The following TCN1 variants were observed in gnomAD, a reference collection of about 807,000 sequenced individuals.
TCN1 encodes transcobalamin 1, also known as transcobalamin-1.
A neutral mutation model predicts 46.3 loss-of-function variants in TCN1; 47 were observed. The observed-to-expected ratio is 1.01, with a 90% CI of 0.80 to 1.29. TCN1 has a LOEUF of 1.29. Ranked by LOEUF, TCN1 falls within the 50% of genes most tolerant of loss-of-function variation. The probability of loss-of-function intolerance (pLI) is 0.00; values close to 1 mark genes in which losing one functional copy is unlikely to be tolerated. For synonymous variants in TCN1, 183 were observed against 192.5 expected (o/e 0.95, Z 0.41); for missense variants, 532 against 511.0 (o/e 1.04, Z -0.40).
At chr11:59,854,378 A>G (rs1192261935) in intron 7 of TCN1, among the ~76,000 whole-genome samples, 1 of 146,846 alleles carries the variant, frequency 6.8e-6, no homozygotes, top group East Asian at 1.9e-4. Flanking sequence ...TTGACTTTAG[A>G]AGTTACATTT....
intron 3 of TCN1, among the ~76,000 whole-genome samples, chr11:59,862,003 A>G (rs527724511): frequency 3.9e-5 from 6 of 152,342 alleles, no homozygotes; most frequent in Non-Finnish European, 7.3e-5. Flanking sequence ...TGCGTTTTCA[A>G]TAGTAAGGTG....
chr11:59,857,063 A>T (rs519221), intron 5 of TCN1, among the ~76,000 whole-genome samples: 40,260 of 152,026 alleles, frequency 0.26, 5,543 homozygotes, highest in African/African-American at 0.31. Flanking sequence ...GTTGTCCACA[A>T]GCATTTGTGG....
At position 59,861,626 on chromosome 11, in the gene TCN1, C is replaced by A. The variant is rs753793142; in HGVS notation, c.457G>T (p.Ala153Ser). Residue 153 changes from alanine to serine, a missense_variant, in exon 4 of 9, where the codon GCC becomes TCC. Physicochemically the swap from Ala to Ser is moderately conservative, Grantham distance 99. Coordinates refer to ENST00000257264, the MANE Select transcript of TCN1 (RefSeq NM_001062.4). ...TAGTTCCCATTGAACAGACACAAGG[C>A]CAAAACGTCCAGGCTGAGCTGGTAG... ...NYYQLSLDVL[A>S]LCLFNGNYST... 2.9e-5 allele frequency: 46 copies of A among 1,613,982 alleles called. No homozygotes were observed. The highest frequency in any genetic ancestry group is 1.2e-5 in the Non-Finnish European group (14 of 1,179,998).
Position 59,853,295 on chromosome 11 carries a change from C to G in TCN1, c.1148G>C (p.Gly383Ala), listed in dbSNP as rs770877578. 1 of 1,613,988 alleles carries G rather than the reference C, an allele frequency of 6.2e-7. No homozygotes were observed. The highest frequency in any genetic ancestry group is 2.2e-5 in the East Asian group (1 of 44,868). The change falls in exon 8 of 9, where the codon GGG becomes GCG. Residue 383 changes from glycine (G) to alanine (A), a missense_variant. Transcript: ENST00000257264. ...GCCCTGAATACAGGTGATATAGGGC[C>G]CCCATGAGCGCTCCTCCATTGTGAA... ...FGFTMEERSWGPYITCIQGLC... is the reference protein window; with the variant it reads ...FGFTMEERSWAPYITCIQGLC...
intron 7 of TCN1, among the ~76,000 whole-genome samples, chr11:59,853,639 C>T (rs971664887): frequency 6.6e-6 from 1 of 152,114 alleles, no homozygotes; most frequent in Non-Finnish European, 1.5e-5. Flanking sequence ...CAACCTTCCA[C>T]CCCAAGATAG....
At chr11:59,866,105 A>T (rs1188743540) in intron 1 of TCN1, among the ~76,000 whole-genome samples, 1 of 152,182 alleles carries the variant, frequency 6.6e-6, no homozygotes, top group African/African-American at 2.4e-5. Flanking sequence ...GTCATTGAAA[A>T]GTCACATGAA....
chr11:59,859,670 C>G (rs1228331487), intron 4 of TCN1, among the ~76,000 whole-genome samples: 2 of 152,172 alleles, frequency 1.3e-5, no homozygotes, highest in African/African-American at 4.8e-5. Flanking sequence ...GTACTTATGA[C>G]ACTGTGTCCT....
intron 1 of TCN1, 81 bp downstream of exon 1, chr11:59,866,311 G>C: frequency 1.4e-6 from 2 of 1,408,832 alleles, no homozygotes; most frequent in Non-Finnish European, 2.0e-6. Flanking sequence ...TCTTTTCTCA[G>C]GTAACTCTAC....
chr11:59,865,111 A>G (rs1199181186), intron 1 of TCN1, among the ~76,000 whole-genome samples: 3 of 152,174 alleles, frequency 2.0e-5, no homozygotes, highest in Non-Finnish European at 2.9e-5. Flanking sequence ...TTTTATCACT[A>G]TACTTGAGAA....
chr11:59,854,634 G>A lies in TCN1; in HGVS notation c.1121+18C>T, dbSNP rs1852906537. Reference sequence around the variant, plus strand: ...AATGACAGCAAACATCTTAACCTTAGGTTAGGTACAGACCTACCCAAATAT... The same window carrying A: ...AATGACAGCAAACATCTTAACCTTAAGTTAGGTACAGACCTACCCAAATAT... On this transcript the variant is annotated intron_variant, in intron 7 of 8. Coordinates refer to ENST00000257264, the MANE Select transcript of TCN1 (RefSeq NM_001062.4). 3 of 1,611,854 alleles carry A rather than the reference G, an allele frequency of 1.9e-6. No individual in the cohort carries two copies. The highest frequency in any genetic ancestry group is 1.7e-6 in the Non-Finnish European group (2 of 1,178,412).
chr11:59,862,513 T>C (rs775671498), intron 3 of TCN1, 69 bp downstream of exon 3: 26 of 1,575,636 alleles, frequency 1.7e-5, no homozygotes, highest in Non-Finnish European at 2.3e-5. Flanking sequence ...GGAGGGAAAC[T>C]TCATATAGTT....
Position 59,864,006 on chromosome 11 carries a change from C to A in TCN1, c.160G>T (p.Ala54Ser), listed in dbSNP as rs200856109. 1.2e-6 allele frequency: 2 copies of A among 1,613,908 alleles called. No homozygotes were observed. The highest frequency in any genetic ancestry group is 1.7e-6 in the Non-Finnish European group (2 of 1,179,836). The change falls in exon 2 of 9, where the codon GCT becomes TCT. Residue 54 changes from alanine (A) to serine (S), a missense_variant. Coordinates refer to ENST00000257264, the MANE Select transcript of TCN1 (RefSeq NM_001062.4). ...TTGAGGGACAACACAACATTGACAG[C>A]GCTGGTTCCCCTGTTATAGTTTGAC... Reference protein sequence around the residue: ...IQSNYNRGTSAVNVVLSLKLV... With the variant: ...IQSNYNRGTSSVNVVLSLKLV...
intron 5 of TCN1, among the ~76,000 whole-genome samples, chr11:59,858,335 C>T (rs900440768): frequency 7.9e-6 from 1 of 125,874 alleles, no homozygotes; most frequent in African/African-American, 3.6e-5. Flanking sequence ...AAAACTTATG[C>T]GTTATTTCTG....
At chr11:59,859,034 A>G (rs757707168) in intron 5 of TCN1, 43 bp downstream of exon 5, 1 of 1,594,472 alleles carries the variant, frequency 6.3e-7, no homozygotes, top group East Asian at 2.2e-5. Context: ...TTTCTTCCAG[A>G]GAAGACTCCC....
In TCN1 at chr11:59,863,973, C is replaced by T; in HGVS notation, c.193G>A (p.Gly65Arg). Residue 65 changes from glycine (G) to arginine (R), a missense_variant, in exon 2 of 9, where the codon GGA becomes AGA. Physicochemically the swap from Gly to Arg is moderately radical, Grantham distance 125 (BLOSUM62 -2). Coordinates refer to ENST00000257264, the MANE Select transcript of TCN1 (RefSeq NM_001062.4). ...TGCATCAGGGTTTGGATCTGGATTC[C>T]AACAAGTTTGAGGGACAACACAACA... is the stretch of plus-strand genomic sequence containing the variant. ...VNVVLSLKLV[G>R]IQIQTLMQKM... 2 of 1,613,802 alleles carry T rather than the reference C, an allele frequency of 1.2e-6. No individual in the cohort carries two copies. The highest frequency in any genetic ancestry group is 1.7e-6 in the Non-Finnish European group (2 of 1,179,842).
chr11:59,856,017 C>G lies in TCN1; in HGVS notation c.789G>C (p.Trp263Cys), dbSNP rs1385757583. The G allele has an allele frequency of 6.2e-7, 1 of 1,610,552 alleles. No homozygotes were observed. Among genetic ancestry groups the G allele is most frequent in the Admixed American group, 1.7e-5 (1 of 59,554 alleles). Residue 263 changes from tryptophan to cysteine, a missense_variant, in exon 6 of 9, where the codon TGG becomes TGC. Transcript: ENST00000257264. Reference sequence around the variant, plus strand: ...CTGTATTCAGAGTTTGTTGGCAATTCCAGTCATTTTCATTATAATAGTCTG... The same window carrying G: ...CTGTATTCAGAGTTTGTTGGCAATTGCAGTCATTTTCATTATAATAGTCTG... ...VSSDYYNEND[W>C]NCQQTLNTVL...
intron 4 of TCN1, among the ~76,000 whole-genome samples, chr11:59,861,162 G>A (rs888007148): frequency 6.6e-6 from 1 of 152,152 alleles, no homozygotes; most frequent in Non-Finnish European, 1.5e-5. Flanking sequence ...TAAGATAAAC[G>A]AATTCCATTG....
chr11:59,853,694 A>G (rs938231440), intron 7 of TCN1, among the ~76,000 whole-genome samples: 7 of 152,180 alleles, frequency 4.6e-5, no homozygotes, highest in African/African-American at 1.4e-4. Flanking sequence ...TATGATCCTC[A>G]TGTGCTAGAG....
chr11:59,861,509 T>C lies in TCN1; in HGVS notation c.556+18A>G. 2.5e-6 allele frequency: 4 copies of C among 1,613,554 alleles called. No individual in the cohort carries two copies. Among genetic ancestry groups the C allele is most frequent in the Non-Finnish European group, 2.5e-6 (3 of 1,179,522 alleles). ...GACCATGTCCTCTGTACCAAGGGAA[T>C]TGGGCTTAGTAACTCACCTACTGAG... is the stretch of plus-strand genomic sequence containing the variant. On this transcript the variant is annotated intron_variant, in intron 4 of 8. Coordinates refer to ENST00000257264, the MANE Select transcript of TCN1 (RefSeq NM_001062.4).
Sources: gnomAD v4.1 joint callset for allele counts (sites outside exome capture counted in the v4.1 genomes callset) on GRCh38, gnomAD v4.1.1 for gene constraint, MANE v1.5 for transcripts, NCBI Gene and HGNC (gene_info 2026-07-23, HGNC 2026-07-21) for gene names.